The following CRTAC1 variants were observed in gnomAD, a reference collection of about 807,000 sequenced individuals.
CRTAC1 encodes the protein acidic secreted protein in cartilage.
Under a neutral mutation model 67.8 loss-of-function variants are expected in CRTAC1, and 37 were observed. The ratio of observed to expected loss-of-function variants is 0.55; its 90% CI spans 0.42 to 0.72. The LOEUF is 0.72. Ranked by LOEUF, CRTAC1 falls within the 30% of genes least tolerant of loss-of-function variation. CRTAC1 has a pLI of 0.00. For synonymous variants in CRTAC1, 348 were observed against 371.0 expected (o/e 0.94, Z 0.71); for missense variants, 780 against 931.6 (o/e 0.84, Z 2.12).
rs1590190251 is a variant in CRTAC1, at chr10:97,895,801, C to G, written c.1317+84G>C. On this transcript the variant is annotated intron_variant, in intron 10 of 14. Transcript: ENST00000370597. This position sits in a 1 kb window ranked among gnomAD's most constrained non-coding sequence, Gnocchi z 4.2. ...TTACCCACCATGCTGGCCAAGCCAG[C>G]ACCCCGGCACCTTGCCCTCACCAAC... 4 of 1,159,182 alleles carry G rather than the reference C, an allele frequency of 3.5e-6. No homozygotes were observed. In the East Asian group the frequency reaches 9.9e-5, roughly 29 times the overall value. The allele number at this position is 1,159,182 out of a possible 1,614,324, so 71.8% of individuals were successfully genotyped here. A position where few individuals can be genotyped will look rare whatever the true frequency, so the allele number is the denominator to read the frequency against.
chr10:97,968,069 A>T (rs1053846308), intron 2 of CRTAC1, among the ~76,000 whole-genome samples: 2 of 152,204 alleles, frequency 1.3e-5, no homozygotes, highest in Non-Finnish European at 2.9e-5. Context: ...AAACAGGCTT[A>T]AAAAATAAAT....
At position 97,895,842 on chromosome 10, in the gene CRTAC1, G is replaced by T; in HGVS notation, c.1317+43C>A. On this transcript the variant is annotated intron_variant, in intron 10 of 14. Coordinates refer to ENST00000370597, the MANE Select transcript of CRTAC1 (RefSeq NM_018058.7). The surrounding 1 kb of genome is among the most constrained non-coding windows in gnomAD (Gnocchi z 4.2). ...CCTCACCAACTCAAGGTACCCGAGA[G>T]CACACAGGGCTGGGATCTGTGGCTC... The T allele has an allele frequency of 6.5e-7, 1 of 1,534,772 alleles. No individual in the cohort carries two copies. The highest frequency in any genetic ancestry group is 9.0e-7 in the Non-Finnish European group (1 of 1,110,252).
At position 97,882,799 on chromosome 10, in the gene CRTAC1, AT is replaced by A. The variant is rs1313950388; in HGVS notation, c.1661del (p.Asn554MetfsTer90). Reference protein sequence around the residue: ...ECGQGFSQQENGHCMDTNECI... With the variant: ...ECGQGFSQQEXGHCMDTNECI... ...AAGGCAACTCACCCATGCAATGGCCATTTTCCTGCTGGGAGAATCCTTGGCC... is the reference window on the plus strand; with the variant it reads ...AAGGCAACTCACCCATGCAATGGCCATTTCCTGCTGGGAGAATCCTTGGCC... On this transcript the variant is annotated frameshift_variant, in exon 13 of 15. Transcript: ENST00000370597. LOFTEE classifies it high-confidence loss of function. 8.7e-6 allele frequency: 14 copies of A among 1,614,004 alleles called. No individual in the cohort carries two copies. The highest frequency in any genetic ancestry group is 1.2e-5 in the Non-Finnish European group (14 of 1,180,046).
chr10:97,874,851 C>G (rs183077653), intron 14 of CRTAC1, among the ~76,000 whole-genome samples: 1 of 152,170 alleles, frequency 6.6e-6, no homozygotes, highest in Admixed American at 6.5e-5. Context: ...CACCTCCATC[C>G]GGGCCTTCCC....
chr10:97,920,448 G>C (rs2050820233), intron 4 of CRTAC1, among the ~76,000 whole-genome samples: 1 of 152,182 alleles, frequency 6.6e-6, no homozygotes, highest in Non-Finnish European at 1.5e-5. Flanking sequence ...CAATGCAGTG[G>C]TTCCCACACT....
At chr10:97,907,455 G>T (rs1482702222) in intron 6 of CRTAC1, among the ~76,000 whole-genome samples, 5 of 152,052 alleles carry the variant, frequency 3.3e-5, no homozygotes, top group Admixed American at 2.0e-4. Context: ...ACAGCTGGGG[G>T]CCTGGGGCAC....
At chr10:97,881,506 G>T (rs2050213985) in intron 13 of CRTAC1, among the ~76,000 whole-genome samples, 1 of 152,208 alleles carries the variant, frequency 6.6e-6, no homozygotes, top group African/African-American at 2.4e-5. Flanking sequence ...CCACTAGAAT[G>T]GATGCCCCTC....
intron 2 of CRTAC1, among the ~76,000 whole-genome samples, chr10:97,970,758 G>A (rs2051695819): frequency 6.6e-6 from 1 of 152,234 alleles, no homozygotes; most frequent in Admixed American, 6.5e-5. Flanking sequence ...CATGAGGGCA[G>A]GGATTTTTGT....
At chr10:98,021,155 T>A (rs1843111481) in intron 1 of CRTAC1, among the ~76,000 whole-genome samples, 1 of 152,192 alleles carries the variant, frequency 6.6e-6, no homozygotes, top group South Asian at 2.1e-4. Flanking sequence ...CTAATGCTTC[T>A]GTTTCTCCAC....
intron 3 of CRTAC1, among the ~76,000 whole-genome samples, chr10:97,934,966 T>C (rs1459476599): frequency 4.8e-5 from 1 of 20,698 alleles, no homozygotes; most frequent in Admixed American, 4.9e-4. Flanking sequence ...GGGGCGTGGG[T>C]GGGGGGGAGC....
At chr10:97,900,919 G>A (rs567461390) in intron 8 of CRTAC1, among the ~76,000 whole-genome samples, 66 of 135,504 alleles carry the variant, frequency 4.9e-4, no homozygotes, top group Non-Finnish European at 8.1e-4. Context: ...GGTAGTGATT[G>A]GACCCTGTAG....
intron 14 of CRTAC1, chr10:97,879,784 C>T: frequency 7.4e-7 from 1 of 1,350,158 alleles, no homozygotes; most frequent in Non-Finnish European, 9.8e-7. Context: ...GAATACCCAC[C>T]TAAAAAGGCC....
At chr10:97,989,082 ATCT>A (rs1842379126) in intron 2 of CRTAC1, among the ~76,000 whole-genome samples, 1 of 152,254 alleles carries the variant, frequency 6.6e-6, no homozygotes, top group African/African-American at 2.4e-5. Flanking sequence ...ATCTCATCTC[ATCT>A]TCTCCTGCCC....
intron 9 of CRTAC1, among the ~76,000 whole-genome samples, chr10:97,896,581 A>G (rs1465888474): frequency 6.6e-6 from 1 of 152,152 alleles, no homozygotes; most frequent in African/African-American, 2.4e-5. Context: ...TGAGAGCAGA[A>G]GGGGCTCTCT....
intron 11 of CRTAC1, among the ~76,000 whole-genome samples, chr10:97,887,332 C>T (rs1341882289): frequency 6.6e-6 from 1 of 151,720 alleles, no homozygotes; most frequent in East Asian, 1.9e-4. Context: ...ACCTCCGCCT[C>T]CCAGGTTCAA....
chr10:98,014,932 C>A (rs1392942373), intron 1 of CRTAC1, among the ~76,000 whole-genome samples: 1 of 152,284 alleles, frequency 6.6e-6, no homozygotes, highest in Admixed American at 6.5e-5. Context: ...TATGATCTAG[C>A]AATTCCACTT....
At chr10:97,960,284 A>G (rs954093615) in intron 2 of CRTAC1, among the ~76,000 whole-genome samples, 4 of 152,228 alleles carry the variant, frequency 2.6e-5, no homozygotes, top group African/African-American at 9.6e-5. Context: ...GATGGTCAAT[A>G]AATTGTAGCC....
chr10:98,005,316 G>A (rs1446341809), intron 2 of CRTAC1, among the ~76,000 whole-genome samples: 2 of 150,356 alleles, frequency 1.3e-5, no homozygotes, highest in African/African-American at 4.9e-5. Context: ...TGTTGGCCAG[G>A]CTGGTCTCGA....
intron 2 of CRTAC1, among the ~76,000 whole-genome samples, chr10:97,977,946 G>A (rs930328500): frequency 3.3e-5 from 5 of 152,144 alleles, no homozygotes; most frequent in Non-Finnish European, 5.9e-5. Flanking sequence ...GGGGAGGGGA[G>A]GCCTTTACCA....
Sources: allele counts gnomAD v4.1 joint callset (sites outside exome capture counted in the v4.1 genomes callset), GRCh38; gene constraint gnomAD v4.1.1; non-coding constraint Gnocchi (gnomAD v3.1); transcripts MANE v1.5; gene names NCBI Gene and HGNC (gene_info 2026-07-23, HGNC 2026-07-21).